Variants in SLC25A28 observed in about 807,000 individuals in gnomAD.
The protein encoded by SLC25A28 is mitoferrin-2.
A neutral mutation model predicts 31.9 loss-of-function variants in SLC25A28; 10 were observed. That is an observed-to-expected ratio of 0.31 (90% confidence interval 0.19 to 0.53). SLC25A28 has a LOEUF of 0.53. Ranked by LOEUF, SLC25A28 falls within the 20% of genes least tolerant of loss-of-function variation. SLC25A28 has a pLI of 0.95. For missense variants in SLC25A28, 256 were observed against 490.3 expected (o/e 0.52, Z 4.51); for synonymous variants, 208 against 203.6 (o/e 1.02, Z -0.19).
At position 99,610,692 on chromosome 10, in the gene SLC25A28, T is replaced by C. The variant is rs2034499788; in HGVS notation, c.*157A>G. Reference sequence around the variant, plus strand: ...AAGGAAAGGTGGTGGCAACAGAGGTTGGCAGGAACTGGTGTTAGTCAAAAC... The same window carrying C: ...AAGGAAAGGTGGTGGCAACAGAGGTCGGCAGGAACTGGTGTTAGTCAAAAC... On this transcript the variant is annotated 3_prime_UTR_variant, in exon 4 of 4. Coordinates refer to ENST00000370495, the MANE Select transcript of SLC25A28 (RefSeq NM_031212.4). 1.2e-6 allele frequency: 1 copy of C among 828,096 alleles called. No homozygotes were observed. 51.3% of individuals were successfully genotyped at this position (828,096 alleles called of 1,614,324 possible).
chr10:99,616,953 T>C (rs527493954), intron 1 of SLC25A28: 4 of 984,114 alleles, frequency 4.1e-6, no homozygotes, highest in Non-Finnish European at 4.8e-6. Flanking sequence ...TATTACTAGA[T>C]GCAAGAAAAT....
the SLC25A28 span, among the ~76,000 whole-genome samples, chr10:99,641,626 T>A: frequency 6.6e-6 from 1 of 152,202 alleles, no homozygotes; most frequent in African/African-American, 2.4e-5. Flanking sequence ...GGTGTTTTAG[T>A]CATGAAGTCC....
the SLC25A28 span, chr10:99,651,911 T>A: frequency 6.6e-6 from 1 of 152,174 alleles, no homozygotes; most frequent in Admixed American, 6.5e-5. Flanking sequence ...GAGACCAATT[T>A]ATTAAGGTTT....
chr10:99,653,349 T>C, the SLC25A28 span, among the ~76,000 whole-genome samples: 1 of 152,186 alleles, frequency 6.6e-6, no homozygotes, highest in Non-Finnish European at 1.5e-5. Flanking sequence ...CTCCCACCAA[T>C]AGCCAGCATC....
At chr10:99,648,749 T>G in the SLC25A28 span, among the ~76,000 whole-genome samples, 1 of 149,874 alleles carries the variant, frequency 6.7e-6, no homozygotes, top group Non-Finnish European at 1.5e-5. Context: ...GGTCATCAGC[T>G]AGATTGTTAT....
chr10:99,611,215 G>A lies in SLC25A28; in HGVS notation c.729C>T (p.Phe243=), dbSNP rs1010585533. The A allele has an allele frequency of 3.7e-6, 6 of 1,614,078 alleles. No individual in the cohort carries two copies. The African/African-American group carries it at 8.0e-5, about 22-fold the overall frequency. ...TMNVPFQAIH[F]MTYEFLQEHF... Reference sequence around the variant, plus strand: ...GCTCCTGCAGGAATTCATAGGTCATGAAGTGAATGGCTTGGAAAGGAACGT... The same window carrying A: ...GCTCCTGCAGGAATTCATAGGTCATAAAGTGAATGGCTTGGAAAGGAACGT... The change falls in exon 4 of 4, where the codon TTC becomes TTT. Residue 243 remains phenylalanine, a synonymous_variant. Coordinates refer to ENST00000370495, the MANE Select transcript of SLC25A28 (RefSeq NM_031212.4). The surrounding 1 kb of genome is among the most constrained non-coding windows in gnomAD (Gnocchi z 5.5).
the SLC25A28 span, among the ~76,000 whole-genome samples, chr10:99,642,199 G>A: frequency 6.6e-6 from 1 of 152,186 alleles, no homozygotes; most frequent in African/African-American, 2.4e-5. Context: ...CTATCCATGA[G>A]CATGGAATGT....
At chr10:99,645,432 T>G in the SLC25A28 span, among the ~76,000 whole-genome samples, 6 of 152,214 alleles carry the variant, frequency 3.9e-5, no homozygotes, top group South Asian at 1.0e-3. Context: ...TCTATGCTGT[T>G]TATTCTAGTT....
chr10:99,646,296 G>C, the SLC25A28 span, among the ~76,000 whole-genome samples: 7 of 152,236 alleles, frequency 4.6e-5, no homozygotes, highest in Non-Finnish European at 8.8e-5. Flanking sequence ...CCACCTTGCA[G>C]TTCGATCTCA....
At chr10:99,647,046 A>G in the SLC25A28 span, among the ~76,000 whole-genome samples, 2 of 152,126 alleles carry the variant, frequency 1.3e-5, no homozygotes, top group Non-Finnish European at 2.9e-5. Context: ...TATAAAATAC[A>G]TTTTCTTAAT....
chr10:99,616,277 T>C (rs1401146453), intron 1 of SLC25A28: 8 of 890,244 alleles, frequency 9.0e-6, no homozygotes, highest in Non-Finnish European at 1.1e-5. Context: ...GCTAGTTGTG[T>C]GATCTTGGGT....
rs1460565536 is a variant in SLC25A28, at chr10:99,611,214, T to C, written c.730A>G (p.Met244Val). 1.9e-6 allele frequency: 3 copies of C among 1,614,018 alleles called. No homozygotes were observed. The highest frequency in any genetic ancestry group is 2.5e-6 in the Non-Finnish European group (3 of 1,180,034). The change falls in exon 4 of 4, where the codon ATG becomes GTG. Residue 244 changes from methionine to valine, a missense_variant. Met to Val is a conservative substitution (Grantham distance 21). Transcript: ENST00000370495. The surrounding 1 kb of genome is among the most constrained non-coding windows in gnomAD (Gnocchi z 5.5). ...MNVPFQAIHF[M>V]TYEFLQEHFN... ...TGCTCCTGCAGGAATTCATAGGTCA[T>C]GAAGTGAATGGCTTGGAAAGGAACG...
chr10:99,659,069 G>T, the SLC25A28 span, among the ~76,000 whole-genome samples: 1 of 152,206 alleles, frequency 6.6e-6, no homozygotes, highest in Admixed American at 6.5e-5. This position sits in a 1 kb window ranked among gnomAD's most constrained non-coding sequence, Gnocchi z 4.1. Context: ...GGTAGGGAGG[G>T]TCAGTGGGCA....
upstream of SLC25A28, among the ~76,000 whole-genome samples, chr10:99,625,542 G>A (rs117950775): frequency 7.8e-4 from 119 of 152,062 alleles, 1 homozygote; most frequent in East Asian, 0.02. Context: ...ACATTCTCCC[G>A]TCTGTCTTGT....
At chr10:99,634,668 C>G in the SLC25A28 span, among the ~76,000 whole-genome samples, 1 of 152,078 alleles carries the variant, frequency 6.6e-6, no homozygotes, top group Admixed American at 6.5e-5. Context: ...AAACTAAGAA[C>G]AATCAGTGTT....
In SLC25A28 at chr10:99,611,468, T is replaced by TAG; in HGVS notation, c.578-104_578-103dup. The stretch of plus-strand genomic sequence containing the variant: ...CAAGTCAGCAGATCAGCCAATGGAA[T>TAG]AGAGAGAGAAAAAAGTATGAGTGAG... On this transcript the variant is annotated intron_variant, in intron 3 of 3. Coordinates refer to ENST00000370495, the MANE Select transcript of SLC25A28 (RefSeq NM_031212.4). The surrounding 1 kb of genome is among the most constrained non-coding windows in gnomAD (Gnocchi z 5.5). The TAG allele has an allele frequency of 7.0e-7, 1 of 1,425,866 alleles. No individual in the cohort carries two copies. Among genetic ancestry groups the TAG allele is most frequent in the South Asian group, 1.3e-5 (1 of 74,558 alleles). The allele number at this position is 1,425,866 out of a possible 1,614,324, so 88.3% of individuals were successfully genotyped here.
Position 99,611,628 on chromosome 10 carries a change from A to G in SLC25A28, c.578-262T>C, listed in dbSNP as rs142068362. 2.7e-3 allele frequency among the ~76,000 whole-genome samples: 414 copies of G among 152,276 alleles called. 1 individual carries two copies. The highest frequency in any genetic ancestry group is 4.2e-3 in the Admixed American group (65 of 15,298). On this transcript the variant is annotated intron_variant, in intron 3 of 3. Transcript: ENST00000370495. The surrounding 1 kb of genome is among the most constrained non-coding windows in gnomAD (Gnocchi z 5.5). ...AAGCCAGCCAGTTCGCACACAGGAC[A>G]TATCTACAGTTTGGGAGCTTCAGAG...
At chr10:99,641,617 G>C in the SLC25A28 span, among the ~76,000 whole-genome samples, 1 of 152,108 alleles carries the variant, frequency 6.6e-6, no homozygotes, top group Non-Finnish European at 1.5e-5. Flanking sequence ...ATTACTTTTG[G>C]TGTTTTAGTC....
upstream of SLC25A28, chr10:99,620,994 G>A: frequency 1.0e-6 from 1 of 984,586 alleles, no homozygotes; most frequent in Non-Finnish European, 1.2e-6. Flanking sequence ...GCTGGAGAGC[G>A]GGCGGCCCTG....
Sources: gnomAD v4.1 joint callset for allele counts (sites outside exome capture counted in the v4.1 genomes callset) on GRCh38, gnomAD v4.1.1 for gene constraint, Gnocchi (gnomAD v3.1) non-coding constraint, MANE v1.5 for transcripts, NCBI Gene and HGNC (gene_info 2026-07-23, HGNC 2026-07-21) for gene names.